CYP7B1: variants seen among roughly 807,000 people sequenced by gnomAD.
CYP7B1 encodes cytochrome P450 family 7 subfamily B member 1, also known as cytochrome P450 7B1.
CYP7B1 carries 29 observed loss-of-function variants against 42.7 expected under a neutral mutation model. That is an observed-to-expected ratio of 0.68 (90% confidence interval 0.51 to 0.93). CYP7B1 has a LOEUF of 0.93. Among genes scored for constraint, CYP7B1 ranks in the 40% least tolerant of loss-of-function variants. The probability of loss-of-function intolerance (pLI) is 0.00; values close to 1 mark genes in which losing one functional copy is unlikely to be tolerated. For missense variants in CYP7B1, 655 were observed against 600.5 expected, an observed-to-expected ratio of 1.09 and a Z score of -0.95; for synonymous variants, 235 against 218.2, an observed-to-expected ratio of 1.08 and a Z score of -0.68.
chr8:64,597,948 T>C (rs1805142891), intron 5 of CYP7B1, among the ~76,000 whole-genome samples: 1 of 152,220 alleles, frequency 6.6e-6, no homozygotes, highest in Non-Finnish European at 1.5e-5. Context: ...CAGGTTAAGG[T>C]GAAAACCTTG....
At chr8:64,785,818 G>A (rs368738152) in intron 1 of CYP7B1, among the ~76,000 whole-genome samples, 3 of 152,188 alleles carry the variant, frequency 2.0e-5, no homozygotes, top group South Asian at 2.1e-4. Context: ...AGACATACCC[G>A]AGACTGGGTA....
At chr8:64,709,242 C>T (rs1429110406) in intron 1 of CYP7B1, among the ~76,000 whole-genome samples, 1 of 152,158 alleles carries the variant, frequency 6.6e-6, no homozygotes, top group Non-Finnish European at 1.5e-5. Context: ...TGTTTAGCTG[C>T]AAATGCCAAG....
At chr8:64,590,427 T>A (rs1282707312), downstream of CYP7B1, among the ~76,000 whole-genome samples, 1 of 152,212 alleles carries the variant, frequency 6.6e-6, no homozygotes, top group African/African-American at 2.4e-5. Flanking sequence ...GTCCAAATAT[T>A]ACCCAGCTTT....
intron 1 of CYP7B1, among the ~76,000 whole-genome samples, chr8:64,660,349 G>T (rs964969540): frequency 3.9e-5 from 6 of 152,144 alleles, no homozygotes; most frequent in Non-Finnish European, 7.4e-5. Context: ...ATCTCATGAC[G>T]TCTGTGTGTC....
At chr8:64,589,237 A>G (rs1319459884), downstream of CYP7B1, among the ~76,000 whole-genome samples, 1 of 152,236 alleles carries the variant, frequency 6.6e-6, no homozygotes, top group African/African-American at 2.4e-5. Context: ...TCAAGAATCA[A>G]CTAAGATCTT....
intron 1 of CYP7B1, among the ~76,000 whole-genome samples, chr8:64,731,616 A>G (rs1001126279): frequency 5.9e-5 from 9 of 152,248 alleles, no homozygotes; most frequent in African/African-American, 2.2e-4. Flanking sequence ...AAATTTGCGT[A>G]AGTACCAAGG....
At chr8:64,651,353 A>C (rs1197608130) in intron 1 of CYP7B1, among the ~76,000 whole-genome samples, 2 of 152,210 alleles carry the variant, frequency 1.3e-5, no homozygotes, top group Non-Finnish European at 2.9e-5. Flanking sequence ...AATGTTGGAG[A>C]AGTGGATGAA....
At chr8:64,684,420 A>G (rs1806588075) in intron 1 of CYP7B1, among the ~76,000 whole-genome samples, 1 of 152,238 alleles carries the variant, frequency 6.6e-6, no homozygotes, top group East Asian at 1.9e-4. Flanking sequence ...TGATATTTTT[A>G]AAGTGCTTAA....
chr8:64,704,644 C>T (rs1323150879), intron 1 of CYP7B1, among the ~76,000 whole-genome samples: 26 of 151,990 alleles, frequency 1.7e-4, no homozygotes, highest in Non-Finnish European at 2.5e-4. Context: ...GCTCTAACAT[C>T]AAAGCAGAAA....
chr8:64,693,585 C>G (rs1806780602), intron 1 of CYP7B1, among the ~76,000 whole-genome samples: 1 of 152,096 alleles, frequency 6.6e-6, no homozygotes, highest in Non-Finnish European at 1.5e-5. Context: ...TTTTACCTTT[C>G]AAAAGAAGTA....
At position 64,750,969 on chromosome 8, in the gene CYP7B1, A is replaced by G. The variant is rs183400094; in HGVS notation, c.122+47497T>C. On this transcript the variant is annotated intron_variant, in intron 1 of 5. Transcript: ENST00000310193. ...ATGCCAGGACACCATCCTCACGCCA[A>G]CTGCTGGATCTTCTTGCTGTTTAAC... 3.0e-4 allele frequency among the ~76,000 whole-genome samples: 45 copies of G among 152,178 alleles called. No homozygotes were observed. In the East Asian group the frequency reaches 7.1e-3, roughly 24 times the overall value.
intron 1 of CYP7B1, among the ~76,000 whole-genome samples, chr8:64,779,848 C>T (rs970592802): frequency 6.6e-6 from 1 of 152,104 alleles, no homozygotes. Flanking sequence ...AAAGGAGTTC[C>T]CATTTGTTAA....
chr8:64,687,132 A>G (rs1419162366), intron 1 of CYP7B1, among the ~76,000 whole-genome samples: 1 of 145,358 alleles, frequency 6.9e-6, no homozygotes, highest in East Asian at 1.9e-4. Flanking sequence ...CAATAAAAAA[A>G]TAAATTTAAA....
At chr8:64,719,613 T>C (rs1224580948) in intron 1 of CYP7B1, among the ~76,000 whole-genome samples, 1 of 152,228 alleles carries the variant, frequency 6.6e-6, no homozygotes, top group Non-Finnish European at 1.5e-5. Flanking sequence ...GTTTTATTTA[T>C]TGGCTTTGAC....
chr8:64,741,980 T>C (rs1055227581), intron 1 of CYP7B1, among the ~76,000 whole-genome samples: 4 of 152,206 alleles, frequency 2.6e-5, no homozygotes, highest in Non-Finnish European at 5.9e-5. Flanking sequence ...AGCTTTTTTG[T>C]AGATATCAAC....
intron 1 of CYP7B1, among the ~76,000 whole-genome samples, chr8:64,683,035 TACCTTCAAAA>T (rs1377309267): frequency 3.3e-5 from 5 of 152,224 alleles, no homozygotes; most frequent in African/African-American, 9.6e-5. Flanking sequence ...CACTTTGTTC[TACCTTCAAAA>T]TATTTTCCAA....
At chr8:64,695,488 A>G (rs969357473) in intron 1 of CYP7B1, among the ~76,000 whole-genome samples, 8 of 151,774 alleles carry the variant, frequency 5.3e-5, no homozygotes, top group African/African-American at 1.9e-4. Flanking sequence ...TTAATCCCCC[A>G]TGTTCTTCAG....
intron 1 of CYP7B1, among the ~76,000 whole-genome samples, chr8:64,661,669 G>A (rs868186611): frequency 3.9e-5 from 6 of 152,156 alleles, no homozygotes; most frequent in African/African-American, 1.4e-4. Context: ...GCTCCAGCAG[G>A]ACTTCTGTTG....
At chr8:64,598,760 G>A (rs557568618) in intron 5 of CYP7B1, among the ~76,000 whole-genome samples, 1 of 152,052 alleles carries the variant, frequency 6.6e-6, no homozygotes, top group Non-Finnish European at 1.5e-5. Flanking sequence ...TCTACTCAAC[G>A]AGCAACACCA....
Sources: gnomAD v4.1 joint callset for allele counts (sites outside exome capture counted in the v4.1 genomes callset) on GRCh38, gnomAD v4.1.1 for gene constraint, MANE v1.5 for transcripts, NCBI Gene and HGNC (gene_info 2026-07-23, HGNC 2026-07-21) for gene names.